The following CNNM2 variants were observed in gnomAD, a reference collection of about 807,000 sequenced individuals.
CNNM2 encodes the protein cyclin and CBS domain divalent metal cation transport mediator 2.
CNNM2 carries 12 observed loss-of-function variants against 66.9 expected under a neutral mutation model. That is an observed-to-expected ratio of 0.18 (90% CI 0.11 to 0.29). The LOEUF is 0.29. CNNM2 is among the 10% of genes least tolerant of loss of function. The probability of loss-of-function intolerance (pLI) is 1.00; values close to 1 mark genes in which losing one functional copy is unlikely to be tolerated. For synonymous variants in CNNM2, 557 were observed against 501.8 expected (o/e 1.11, Z -1.47); for missense variants, 705 against 1,167.7 (o/e 0.60, Z 5.77).
chr10:102,985,190 C>T (rs1352727431), intron 1 of CNNM2, among the ~76,000 whole-genome samples: 1 of 152,088 alleles, frequency 6.6e-6, no homozygotes, highest in Non-Finnish European at 1.5e-5. Flanking sequence ...TAAATTGCTG[C>T]AGATTGTTTT....
chr10:103,042,137 G>GC (rs1223238680), intron 1 of CNNM2, among the ~76,000 whole-genome samples: 1 of 152,122 alleles, frequency 6.6e-6, no homozygotes, highest in Non-Finnish European at 1.5e-5. Flanking sequence ...CATTGCTCAG[G>GC]CCAAAAAGCA....
intron 1 of CNNM2, among the ~76,000 whole-genome samples, chr10:102,948,700 G>C (rs1347372319): frequency 6.6e-6 from 1 of 152,170 alleles, no homozygotes; most frequent in Non-Finnish European, 1.5e-5. Flanking sequence ...AAGGTCTTCT[G>C]TGTGGAAAAT....
At chr10:102,978,345 T>C (rs1004651856) in intron 1 of CNNM2, among the ~76,000 whole-genome samples, 7 of 152,070 alleles carry the variant, frequency 4.6e-5, no homozygotes, top group African/African-American at 1.4e-4. Context: ...TTTTAATTAA[T>C]GGCCGTCCTG....
intron 4 of CNNM2, chr10:103,068,425 T>A (rs1227122727): frequency 1.7e-6 from 1 of 577,940 alleles, no homozygotes; most frequent in African/African-American, 1.9e-5. Flanking sequence ...CTGTCACCTC[T>A]GTATAATCAG....
intron 1 of CNNM2, among the ~76,000 whole-genome samples, chr10:103,045,378 G>GA (rs1283175470): frequency 6.6e-6 from 1 of 152,166 alleles, no homozygotes; most frequent in Non-Finnish European, 1.5e-5. Context: ...CAGCTGCCTA[G>GA]AAGGGGGTCT....
intron 1 of CNNM2, among the ~76,000 whole-genome samples, chr10:102,936,543 G>C (rs1306394179): frequency 2.0e-5 from 3 of 151,374 alleles, no homozygotes; most frequent in Non-Finnish European, 2.9e-5. Context: ...TGGTGCAATG[G>C]GGGTGGGGGA....
At chr10:103,022,001 G>T (rs896912877) in intron 1 of CNNM2, among the ~76,000 whole-genome samples, 1 of 152,164 alleles carries the variant, frequency 6.6e-6, no homozygotes, top group Non-Finnish European at 1.5e-5. Flanking sequence ...AGAGAGTTCT[G>T]TTCATCTTTG....
chr10:103,045,565 CT>C (rs1180695798), intron 1 of CNNM2, among the ~76,000 whole-genome samples: 4 of 152,024 alleles, frequency 2.6e-5, no homozygotes, highest in African/African-American at 9.7e-5. Context: ...GTTAACTAAA[CT>C]TTATTTAAAG....
intron 1 of CNNM2, among the ~76,000 whole-genome samples, chr10:103,000,770 G>A (rs1034151551): frequency 1.3e-5 from 2 of 152,134 alleles, no homozygotes; most frequent in African/African-American, 4.8e-5. Context: ...GTAGAGATGG[G>A]GTTTTGCCAT....
rs1240317909 is a variant in CNNM2, at chr10:103,054,564, A to G, written c.1903+98A>G. The G allele has an allele frequency of 1.6e-6, 2 of 1,274,472 alleles. No individual in the cohort carries two copies. The highest frequency in any genetic ancestry group is 3.0e-5 in the African/African-American group (2 of 66,350). The allele number at this position is 1,274,472 out of a possible 1,614,324, so 78.9% of individuals were successfully genotyped here. Reference sequence around the variant, plus strand: ...GTGGGTTGGGGGTGGACACTGGGAAATGGGGTGATAAGTAATGCCACTTTT... The same window carrying G: ...GTGGGTTGGGGGTGGACACTGGGAAGTGGGGTGATAAGTAATGCCACTTTT... On this transcript the variant is annotated intron_variant, in intron 3 of 7. Coordinates refer to ENST00000369878, the MANE Select transcript of CNNM2 (RefSeq NM_017649.5). The surrounding 1 kb of genome is among the most constrained non-coding windows in gnomAD (Gnocchi z 5.2).
chr10:103,063,971 C>G (rs1209100237), intron 4 of CNNM2, among the ~76,000 whole-genome samples: 3 of 152,178 alleles, frequency 2.0e-5, no homozygotes, highest in Non-Finnish European at 4.4e-5. Flanking sequence ...TTTGGAACCA[C>G]TAACACGTAA....
chr10:102,966,343 CTTG>C (rs1219421542), intron 1 of CNNM2, among the ~76,000 whole-genome samples: 4 of 152,164 alleles, frequency 2.6e-5, no homozygotes, highest in Non-Finnish European at 5.9e-5. Flanking sequence ...AAAAAAGGAT[CTTG>C]TTGGCCTGGC....
chr10:102,974,689 G>C (rs899235791), intron 1 of CNNM2, among the ~76,000 whole-genome samples: 1 of 151,904 alleles, frequency 6.6e-6, no homozygotes, highest in South Asian at 2.1e-4. Context: ...ACACACTACT[G>C]TGCCTGGCCA....
intron 1 of CNNM2, among the ~76,000 whole-genome samples, chr10:102,934,773 G>A (rs1846176834): frequency 6.6e-6 from 1 of 152,004 alleles, no homozygotes; most frequent in African/African-American, 2.4e-5. Context: ...GTGCCTGGGA[G>A]TTCAAGGCTG....
chr10:103,035,578 AT>A (rs1295517198), intron 1 of CNNM2, among the ~76,000 whole-genome samples: 1 of 152,274 alleles, frequency 6.6e-6, no homozygotes, highest in African/African-American at 2.4e-5. Flanking sequence ...GGTTCATGAG[AT>A]TTTCTCACAA....
chr10:102,965,350 T>G (rs1366906508), intron 1 of CNNM2, among the ~76,000 whole-genome samples: 2 of 152,340 alleles, frequency 1.3e-5, no homozygotes, highest in East Asian at 3.9e-4. Context: ...GGCTGGCTTA[T>G]AGTTCCTAAA....
At chr10:102,998,821 GACAA>G (rs1482155089) in intron 1 of CNNM2, among the ~76,000 whole-genome samples, 2 of 152,002 alleles carry the variant, frequency 1.3e-5, no homozygotes, top group Non-Finnish European at 1.5e-5. Context: ...TCTACTAAAA[GACAA>G]ACAAAAAAAC....
chr10:103,047,181 C>T (rs1564859789), intron 1 of CNNM2, among the ~76,000 whole-genome samples: 1 of 152,174 alleles, frequency 6.6e-6, no homozygotes, highest in Non-Finnish European at 1.5e-5. Flanking sequence ...CTGGGAAACA[C>T]AGCCTTAACC....
intron 1 of CNNM2, among the ~76,000 whole-genome samples, chr10:102,955,325 A>C (rs1846993959): frequency 6.6e-6 from 1 of 152,224 alleles, no homozygotes; most frequent in Admixed American, 6.5e-5. Flanking sequence ...GGCTAGCCAT[A>C]TGTAGAAAGC....
Sources: gnomAD v4.1 joint callset for allele counts (sites outside exome capture counted in the v4.1 genomes callset) on GRCh38, gnomAD v4.1.1 for gene constraint, Gnocchi (gnomAD v3.1) non-coding constraint, MANE v1.5 for transcripts, NCBI Gene and HGNC (gene_info 2026-07-23, HGNC 2026-07-21) for gene names.